KSR2: variants seen among roughly 807,000 people sequenced by gnomAD.
The protein encoded by KSR2 is kinase suppressor of ras 2.
Under a neutral mutation model 107.8 loss-of-function variants are expected in KSR2, and 25 were observed. That is an observed-to-expected ratio of 0.23 (90% confidence interval 0.17 to 0.32). The LOEUF (loss-of-function observed/expected upper bound fraction) is 0.32. KSR2 is among the 10% of genes least tolerant of loss of function. The probability of loss-of-function intolerance (pLI) is 1.00; values close to 1 mark genes in which losing one functional copy is unlikely to be tolerated. For missense variants in KSR2, 887 were observed against 1,268.9 expected (o/e 0.70, Z 4.57); for synonymous variants, 480 against 507.0 (o/e 0.95, Z 0.71).
At position 117,838,588 on chromosome 12, in the gene KSR2, C is replaced by T. The variant is rs74786075; in HGVS notation, c.472+16840G>A. 2.0e-4 allele frequency among the ~76,000 whole-genome samples: 31 copies of T among 152,300 alleles called. No homozygotes were observed. In the East Asian group the frequency reaches 5.8e-3, roughly 28 times the overall value. On this transcript the variant is annotated intron_variant, in intron 3 of 19. Coordinates refer to ENST00000339824, the MANE Select transcript of KSR2 (RefSeq NM_173598.6). ...CTCTGGGCGTGTGCCTCCTTCCTGC[C>T]TTCCCCTGAGCACTTACTATAGGAA...
At chr12:117,670,760 A>T (rs1465522874) in intron 4 of KSR2, among the ~76,000 whole-genome samples, 1 of 152,144 alleles carries the variant, frequency 6.6e-6, no homozygotes, top group Non-Finnish European at 1.5e-5. Flanking sequence ...ATGCTGTAAT[A>T]GATGAAGGAG....
rs530752214 is a variant in KSR2, at chr12:117,801,413, G to A, written c.473-39889C>T. Among the ~76,000 whole-genome samples the A allele has an allele frequency of 2.0e-5, 3 of 152,120 alleles. No homozygotes were observed. The East Asian group carries it at 5.8e-4, about 29-fold the overall frequency. The stretch of plus-strand genomic sequence containing the variant: ...CAAAGTGCTGGGATTACTGGCGTGA[G>A]CCACCACACCTGGCCAAGACTTGGT... On this transcript the variant is annotated intron_variant, in intron 3 of 19. Coordinates refer to ENST00000339824, the MANE Select transcript of KSR2 (RefSeq NM_173598.6).
chr12:117,855,807 T>C (rs910286928), intron 2 of KSR2, among the ~76,000 whole-genome samples: 7 of 152,142 alleles, frequency 4.6e-5, no homozygotes, highest in Admixed American at 1.3e-4. Context: ...CTCCTAAGTG[T>C]CCATACTTGG....
chr12:117,867,853 T>C (rs991425922), intron 1 of KSR2, among the ~76,000 whole-genome samples: 5 of 152,156 alleles, frequency 3.3e-5, no homozygotes, highest in African/African-American at 1.2e-4. Context: ...TACACAGCAT[T>C]ATGGGGACCC....
chr12:117,724,007 T>C (rs1037456378), intron 4 of KSR2, among the ~76,000 whole-genome samples: 2 of 152,054 alleles, frequency 1.3e-5, no homozygotes, highest in African/African-American at 4.8e-5. Context: ...AAAGATAGGG[T>C]TAAATATATA....
chr12:117,690,814 A>C (rs762996880), intron 4 of KSR2, among the ~76,000 whole-genome samples: 5 of 152,174 alleles, frequency 3.3e-5, no homozygotes, highest in Non-Finnish European at 7.4e-5. Context: ...ATCACATCAA[A>C]AGTGGCTCAC....
intron 3 of KSR2, among the ~76,000 whole-genome samples, chr12:117,784,295 C>T (rs529351304): frequency 5.2e-4 from 79 of 152,254 alleles, no homozygotes; most frequent in Admixed American, 1.7e-3. Flanking sequence ...GTAAGTCTCA[C>T]GAGATCTGAT....
chr12:117,503,685 T>A (rs1231429767), intron 14 of KSR2, among the ~76,000 whole-genome samples: 1 of 152,196 alleles, frequency 6.6e-6, no homozygotes, highest in Non-Finnish European at 1.5e-5. Flanking sequence ...TGTTTGTCAT[T>A]GCAGCACAAG....
rs1593359226 is a variant in KSR2 at position 117,907,479 on chromosome 12, T to C, written c.181-47048A>G. Among the ~76,000 whole-genome samples the C allele has an allele frequency of 6.6e-6, 1 of 152,158 alleles. No individual in the cohort carries two copies. The highest frequency in any genetic ancestry group is 1.5e-5 in the Non-Finnish European group (1 of 68,040). Reference sequence around the variant, plus strand: ...GGTGAAGGCACAACAGCTGCACCCCTCTCCCAACACCATCCGCTAACTAAT... The same window carrying C: ...GGTGAAGGCACAACAGCTGCACCCCCCTCCCAACACCATCCGCTAACTAAT... On this transcript the variant is annotated intron_variant, in intron 1 of 19. Coordinates refer to ENST00000339824, the MANE Select transcript of KSR2 (RefSeq NM_173598.6). This position sits in a 1 kb window ranked among gnomAD's most constrained non-coding sequence, Gnocchi z 4.3.
rs112654428 is a variant in KSR2, at chr12:117,828,856, C to T, written c.472+26572G>A. Among the ~76,000 whole-genome samples, 1,169 of 152,322 alleles carry T rather than the reference C, an allele frequency of 7.7e-3. 17 individuals are homozygous for T. The highest frequency in any genetic ancestry group is 0.026 in the African/African-American group (1,097 of 41,570). Reference sequence around the variant, plus strand: ...TGCCATCTGTGTCCCACTGTGAAAACAAGAACCATGCCTTGGAGAAGTCTA... The same window carrying T: ...TGCCATCTGTGTCCCACTGTGAAAATAAGAACCATGCCTTGGAGAAGTCTA... On this transcript the variant is annotated intron_variant, in intron 3 of 19. Transcript: ENST00000339824.
Position 117,475,751 on chromosome 12 carries a change from G to A in KSR2, c.2582+713C>T, listed in dbSNP as rs151179467. Among the ~76,000 whole-genome samples the A allele has an allele frequency of 3.1e-3, 474 of 152,256 alleles. 17 individuals are homozygous for A. Among genetic ancestry groups the A allele is most frequent in the Admixed American group, 0.026 (401 of 15,282 alleles). On this transcript the variant is annotated intron_variant, in intron 17 of 19. Coordinates refer to ENST00000339824, the MANE Select transcript of KSR2 (RefSeq NM_173598.6). ...TAGAGCTTAATTCTCCTCCCCTTAG[G>A]TGTGGACTGGATTTAGCAACTTGCT...
At chr12:117,919,670 A>C (rs1467972210) in intron 1 of KSR2, among the ~76,000 whole-genome samples, 4 of 152,196 alleles carry the variant, frequency 2.6e-5, no homozygotes, top group Non-Finnish European at 5.9e-5. Flanking sequence ...TGGTCATGTG[A>C]CTTATTCTGG....
intron 12 of KSR2, among the ~76,000 whole-genome samples, chr12:117,528,651 G>T (rs971580712): frequency 6.6e-6 from 1 of 152,212 alleles, no homozygotes; most frequent in African/African-American, 2.4e-5. Context: ...GCACAGCCTG[G>T]GAAAGTGGAA....
intron 1 of KSR2, among the ~76,000 whole-genome samples, chr12:117,887,682 C>T (rs1359382606): frequency 6.6e-6 from 1 of 152,174 alleles, no homozygotes; most frequent in Admixed American, 6.5e-5. Flanking sequence ...TTGCTTCACT[C>T]AGTGGCTCAT....
chr12:117,513,481 C>A (rs1055627035), intron 14 of KSR2, among the ~76,000 whole-genome samples: 1 of 152,208 alleles, frequency 6.6e-6, no homozygotes, highest in Non-Finnish European at 1.5e-5. Context: ...TTACCCTTCC[C>A]ACTCTCACCA....
intron 3 of KSR2, among the ~76,000 whole-genome samples, chr12:117,772,615 ACAC>A: frequency 7.1e-6 from 1 of 140,470 alleles, no homozygotes; most frequent in Non-Finnish European, 1.5e-5. Context: ...ACACACATAC[ACAC>A]CATTCTCCCA....
chr12:117,891,780 A>G (rs959006565), intron 1 of KSR2, among the ~76,000 whole-genome samples: 2 of 152,162 alleles, frequency 1.3e-5, no homozygotes, highest in African/African-American at 4.8e-5. Context: ...TGAGCCCAGG[A>G]GTTCAAGACC....
At chr12:117,614,301 A>G (rs1881759524) in intron 5 of KSR2, among the ~76,000 whole-genome samples, 1 of 152,190 alleles carries the variant, frequency 6.6e-6, no homozygotes, top group Admixed American at 6.5e-5. Flanking sequence ...TACTTTATAT[A>G]ATTGTGTATT....
chr12:117,781,313 CT>C (rs1242160722), intron 3 of KSR2, among the ~76,000 whole-genome samples: 1 of 152,154 alleles, frequency 6.6e-6, no homozygotes, highest in Non-Finnish European at 1.5e-5. Flanking sequence ...TGAGAACAGA[CT>C]AATACAGGTC....
Sources: allele counts gnomAD v4.1 joint callset (sites outside exome capture counted in the v4.1 genomes callset), GRCh38; gene constraint gnomAD v4.1.1; non-coding constraint Gnocchi (gnomAD v3.1); transcripts MANE v1.5; gene names NCBI Gene and HGNC (gene_info 2026-07-23, HGNC 2026-07-21).